EVA1C: variants seen among roughly 807,000 people sequenced by gnomAD.
EVA1C encodes the protein eva-1 homolog C.
A neutral mutation model predicts 45.4 loss-of-function variants in EVA1C; 25 were observed. That is an observed-to-expected ratio of 0.55 (90% CI 0.40 to 0.77). The LOEUF (loss-of-function observed/expected upper bound fraction) is 0.77, where lower values mean the gene tolerates loss of function less well. EVA1C is among the 30% of genes least tolerant of loss of function. EVA1C has a pLI of 0.00. For synonymous variants in EVA1C, 190 were observed against 221.2 expected (o/e 0.86, Z 1.25); for missense variants, 479 against 554.8 (o/e 0.86, Z 1.37).
chr21:32,435,188 C>G (rs1020688040), intron 1 of EVA1C, among the ~76,000 whole-genome samples: 1 of 151,856 alleles, frequency 6.6e-6, no homozygotes, highest in Non-Finnish European at 1.5e-5. Context: ...CTTTGTTGTC[C>G]CATCTCTTTT....
chr21:32,438,314 T>C (rs1244162855), intron 1 of EVA1C, among the ~76,000 whole-genome samples: 2 of 151,786 alleles, frequency 1.3e-5, no homozygotes, highest in Non-Finnish European at 2.9e-5. Flanking sequence ...CTGGCCAATA[T>C]GGCAAAACCC....
At chr21:32,462,150 C>A (rs2036018978) in intron 3 of EVA1C, among the ~76,000 whole-genome samples, 1 of 151,146 alleles carries the variant, frequency 6.6e-6, no homozygotes, top group Admixed American at 6.6e-5. Flanking sequence ...TTTTGGGAGG[C>A]CAAGGCAGGA....
chr21:32,427,736 G>A (rs2034545298), intron 1 of EVA1C, among the ~76,000 whole-genome samples: 1 of 151,776 alleles, frequency 6.6e-6, no homozygotes, highest in Admixed American at 6.6e-5. Context: ...AATAGGCAGA[G>A]GCCAGGCACA....
At chr21:32,461,144 G>A (rs2035982596) in intron 3 of EVA1C, among the ~76,000 whole-genome samples, 1 of 152,240 alleles carries the variant, frequency 6.6e-6, no homozygotes, top group South Asian at 2.1e-4. Flanking sequence ...CACAGAAAGA[G>A]TGCTCCATAC....
rs1449984750 is a variant in EVA1C, at chr21:32,457,628, C to T, written c.389C>T (p.Ala130Val). ...KVLDECQNQR[A>V]CHLLVNSRVF... The stretch of plus-strand genomic sequence containing the variant: ...CTGGACGAATGCCAGAACCAGCGGG[C>T]CTGCCACCTCCTGGTCAATAGCCGT... Residue 130 changes from alanine to valine, a missense_variant, in exon 3 of 8, where the codon GCC (alanine) becomes GTC (valine). Ala to Val is a moderately conservative substitution (Grantham distance 64). This residue lies in a region of EVA1C where 366 missense variants were observed against 426.1 expected (regional missense o/e 0.86). Transcript: ENST00000300255. The T allele has an allele frequency of 1.9e-6, 3 of 1,614,040 alleles. No homozygotes were observed. Among genetic ancestry groups the T allele is most frequent in the Non-Finnish European group, 2.5e-6 (3 of 1,180,018 alleles).
intron 1 of EVA1C, among the ~76,000 whole-genome samples, chr21:32,427,701 G>A (rs1323936327): frequency 6.8e-6 from 1 of 147,986 alleles, no homozygotes; most frequent in Non-Finnish European, 1.5e-5. Flanking sequence ...GACAGAGCAA[G>A]TCTCCATCTC....
intron 4 of EVA1C, among the ~76,000 whole-genome samples, chr21:32,476,558 A>G (rs1487152526): frequency 6.6e-6 from 1 of 152,210 alleles, no homozygotes; most frequent in African/African-American, 2.4e-5. Context: ...GGAGAATCGC[A>G]TGAACCTGGG....
At chr21:32,500,228 TTCTC>T (rs2037485251) in intron 5 of EVA1C, among the ~76,000 whole-genome samples, 1 of 147,142 alleles carries the variant, frequency 6.8e-6, no homozygotes, top group Non-Finnish European at 1.5e-5. Context: ...GATAGAGTCT[TTCTC>T]TGTCACCCAG....
intron 4 of EVA1C, among the ~76,000 whole-genome samples, chr21:32,476,119 A>G (rs1601368943): frequency 6.7e-6 from 1 of 149,688 alleles, no homozygotes; most frequent in Admixed American, 6.7e-5. Context: ...GCACTTGCAC[A>G]CCTTGTCTCT....
chr21:32,511,106 G>C (rs2037933146), intron 7 of EVA1C, among the ~76,000 whole-genome samples: 1 of 151,772 alleles, frequency 6.6e-6, no homozygotes, highest in African/African-American at 2.4e-5. Context: ...TTATCATCAA[G>C]AGTCTATAGA....
chr21:32,476,955 G>A (rs2036590378), intron 4 of EVA1C, among the ~76,000 whole-genome samples: 1 of 152,152 alleles, frequency 6.6e-6, no homozygotes, highest in South Asian at 2.1e-4. Context: ...CTGCATCAGG[G>A]CAGGCACGGA....
chr21:32,509,011 G>A (rs184245126), intron 7 of EVA1C, among the ~76,000 whole-genome samples: 38 of 152,348 alleles, frequency 2.5e-4, no homozygotes, highest in African/African-American at 5.8e-4. Flanking sequence ...TCCAGAATAC[G>A]GAATAGGAAA....
chr21:32,430,727 C>G (rs572416660), intron 1 of EVA1C, among the ~76,000 whole-genome samples: 14 of 151,976 alleles, frequency 9.2e-5, no homozygotes, highest in Non-Finnish European at 1.8e-4. Context: ...AATCACAGCA[C>G]TTTGGGAAGC....
chr21:32,487,115 A>G (rs1388532759), intron 4 of EVA1C, among the ~76,000 whole-genome samples: 1 of 152,206 alleles, frequency 6.6e-6, no homozygotes, highest in African/African-American at 2.4e-5. Context: ...GATGAAAGGA[A>G]CGTCTTTTGT....
chr21:32,507,818 ATG>A (rs566906614), intron 7 of EVA1C, among the ~76,000 whole-genome samples: 259 of 139,998 alleles, frequency 1.9e-3, no homozygotes, highest in South Asian at 4.3e-3. Flanking sequence ...GCATGTATGT[ATG>A]TGTGTTGCAT....
intron 4 of EVA1C, among the ~76,000 whole-genome samples, chr21:32,475,525 G>A (rs978803549): frequency 2.1e-5 from 3 of 141,720 alleles, no homozygotes; most frequent in Admixed American, 7.5e-5. Context: ...ACTGTTTTAC[G>A]TAATGGCAGT....
At chr21:32,445,708 T>G (rs2035339093) in intron 1 of EVA1C, among the ~76,000 whole-genome samples, 1 of 152,130 alleles carries the variant, frequency 6.6e-6, no homozygotes, top group African/African-American at 2.4e-5. Flanking sequence ...CTCTTAGGGG[T>G]TCATGTCGTG....
chr21:32,416,314 TC>T (rs375025779), intron 1 of EVA1C, among the ~76,000 whole-genome samples: 3 of 114,996 alleles, frequency 2.6e-5, no homozygotes, highest in Admixed American at 1.7e-4. Flanking sequence ...CTTTTCTTTT[TC>T]TTTTTCTTTT....
chr21:32,432,483 G>C (rs1601237377), intron 1 of EVA1C, among the ~76,000 whole-genome samples: 1 of 152,116 alleles, frequency 6.6e-6, no homozygotes, highest in Non-Finnish European at 1.5e-5. Context: ...CACCAAAGTT[G>C]CTCCTGGCAT....
Sources: allele counts gnomAD v4.1 joint callset (sites outside exome capture counted in the v4.1 genomes callset), GRCh38; gene constraint gnomAD v4.1.1; regional missense constraint gnomAD v4.1.1; transcripts MANE v1.5; gene names NCBI Gene and HGNC (gene_info 2026-07-23, HGNC 2026-07-21).